The following GLI3 variants were observed in gnomAD, a reference collection of about 807,000 sequenced individuals.
The protein encoded by GLI3 is transcription activator GLI3.
GLI3 carries 20 observed loss-of-function variants against 100.8 expected under a neutral mutation model. The observed-to-expected ratio is 0.20, with a 90% CI of 0.14 to 0.29. The LOEUF (loss-of-function observed/expected upper bound fraction) is 0.29, where lower values mean the gene tolerates loss of function less well. Ranked by LOEUF, GLI3 falls within the 10% of genes least tolerant of loss-of-function variation. The probability of loss-of-function intolerance (pLI) is 1.00; values close to 1 mark genes in which losing one functional copy is unlikely to be tolerated. For synonymous variants in GLI3, 938 were observed against 860.5 expected, an observed-to-expected ratio of 1.09 and a Z score of -1.58; for missense variants, 2,040 against 2,128.5, an observed-to-expected ratio of 0.96 and a Z score of 0.82.
chr7:42,187,995 T>C, intron 2 of GLI3, among the ~76,000 whole-genome samples: 1 of 25,254 alleles, frequency 4.0e-5, no homozygotes, highest in Non-Finnish European at 8.8e-5. Flanking sequence ...AGAGTGAGAC[T>C]CCATCTCAAA....
chr7:42,214,471 A>G (rs1788333475), intron 2 of GLI3, among the ~76,000 whole-genome samples: 1 of 151,724 alleles, frequency 6.6e-6, no homozygotes, highest in African/African-American at 2.4e-5. Flanking sequence ...AAAAAAAAAG[A>G]GACAGGAAGA....
intron 7 of GLI3, among the ~76,000 whole-genome samples, chr7:42,028,592 C>T (rs1205503931): frequency 6.6e-6 from 1 of 151,902 alleles, no homozygotes. Flanking sequence ...GGCGAAACCT[C>T]GTTTCTACTA....
In GLI3 at chr7:42,107,523, G is replaced by A. The variant is rs556941900; in HGVS notation, c.368-30666C>T. On this transcript the variant is annotated intron_variant, in intron 3 of 14. Transcript: ENST00000395925. The stretch of plus-strand genomic sequence containing the variant: ...GCTGACACTGAAGGCAGGGGACAGC[G>A]AGAGTTCTGCCCTTGCTGACTGAGA... Among the ~76,000 whole-genome samples, 205 of 152,326 alleles carry A rather than the reference G, an allele frequency of 1.3e-3. 2 individuals are homozygous for A. Among genetic ancestry groups the A allele is most frequent in the African/African-American group, 3.2e-3 (135 of 41,578 alleles).
intron 2 of GLI3, among the ~76,000 whole-genome samples, chr7:42,217,990 A>G (rs1562790220): frequency 6.6e-6 from 1 of 152,230 alleles, no homozygotes; most frequent in Non-Finnish European, 1.5e-5. Context: ...TGATGAGGAA[A>G]CTAGAACGCT....
At chr7:42,053,954 C>T (rs1416151390) in intron 4 of GLI3, among the ~76,000 whole-genome samples, 1 of 152,134 alleles carries the variant, frequency 6.6e-6, no homozygotes, top group South Asian at 2.1e-4. Flanking sequence ...AGATGTGCCT[C>T]GCCCCATTAT....
At chr7:42,081,852 A>T (rs17172007) in intron 3 of GLI3, among the ~76,000 whole-genome samples, 1 of 152,014 alleles carries the variant, frequency 6.6e-6, no homozygotes, top group Non-Finnish European at 1.5e-5. Flanking sequence ...ATGGTCTGAA[A>T]GTGCCCGGGA....
intron 10 of GLI3, among the ~76,000 whole-genome samples, chr7:41,989,009 T>A (rs1023694747): frequency 2.0e-5 from 3 of 152,226 alleles, no homozygotes; most frequent in African/African-American, 7.2e-5. Context: ...ATTCTAAGAC[T>A]CTGTGCACAT....
chr7:42,097,591 C>G (rs1205229447), intron 3 of GLI3, among the ~76,000 whole-genome samples: 1 of 152,254 alleles, frequency 6.6e-6, no homozygotes, highest in East Asian at 1.9e-4. Context: ...CCAGGATCCC[C>G]TCTCTTAGAC....
chr7:41,975,158 C>T (rs1787478402), intron 12 of GLI3, among the ~76,000 whole-genome samples: 2 of 152,194 alleles, frequency 1.3e-5, no homozygotes, highest in South Asian at 4.1e-4. Context: ...GAGCTACGGT[C>T]AGTCTAGCAG....
At chr7:42,262,005 C>A (rs1211862806) in intron 1 of GLI3, among the ~76,000 whole-genome samples, 1 of 133,004 alleles carries the variant, frequency 7.5e-6, no homozygotes, top group African/African-American at 2.8e-5. Context: ...TCTTTCTTTT[C>A]TTTCTTTCCT....
intron 1 of GLI3, among the ~76,000 whole-genome samples, chr7:42,235,890 G>A (rs1406455723): frequency 6.6e-6 from 1 of 152,228 alleles, no homozygotes; most frequent in Non-Finnish European, 1.5e-5. Context: ...CTGGCAGAGG[G>A]CCATGAGCAC....
At chr7:42,083,032 T>C (rs1186668447) in intron 3 of GLI3, among the ~76,000 whole-genome samples, 4 of 152,236 alleles carry the variant, frequency 2.6e-5, no homozygotes, top group Non-Finnish European at 4.4e-5. Context: ...GCATTTATTA[T>C]GCGTGCTATA....
intron 3 of GLI3, among the ~76,000 whole-genome samples, chr7:42,106,974 T>G (rs1034365491): frequency 1.3e-5 from 2 of 152,154 alleles, no homozygotes; most frequent in African/African-American, 4.8e-5. Context: ...TGGGAACTAC[T>G]GATTTGTAGT....
At chr7:42,256,003 G>A (rs2128711111) in intron 1 of GLI3, among the ~76,000 whole-genome samples, 1 of 152,202 alleles carries the variant, frequency 6.6e-6, no homozygotes, top group African/African-American at 2.4e-5. Context: ...AGTTATTCTA[G>A]TCAGTGTGTA....
At chr7:42,102,309 C>T (rs1032809716) in intron 3 of GLI3, among the ~76,000 whole-genome samples, 11 of 152,182 alleles carry the variant, frequency 7.2e-5, no homozygotes, top group African/African-American at 2.7e-4. Context: ...GGGTACCTGG[C>T]TCTGATAGCA....
intron 2 of GLI3, among the ~76,000 whole-genome samples, chr7:42,216,989 C>T (rs1292786849): frequency 6.6e-6 from 1 of 152,126 alleles, no homozygotes; most frequent in Non-Finnish European, 1.5e-5. Flanking sequence ...CTGGGAGTCA[C>T]TGGAGCTTTT....
intron 1 of GLI3, among the ~76,000 whole-genome samples, chr7:42,263,233 A>C (rs1472793083): frequency 1.3e-5 from 2 of 152,166 alleles, no homozygotes; most frequent in Non-Finnish European, 1.5e-5. Flanking sequence ...CTATGACAAG[A>C]GCTCAAAGGG....
chr7:42,114,813 T>C (rs1785808130), intron 3 of GLI3, among the ~76,000 whole-genome samples: 1 of 152,028 alleles, frequency 6.6e-6, no homozygotes, highest in African/African-American at 2.4e-5. Flanking sequence ...GCGATTCTCC[T>C]GCCTCAGCCT....
At chr7:41,969,965 C>T (rs1383328856) in intron 13 of GLI3, among the ~76,000 whole-genome samples, 1 of 152,124 alleles carries the variant, frequency 6.6e-6, no homozygotes, top group Non-Finnish European at 1.5e-5. Context: ...TGAATTTCAC[C>T]AACTAACTCC....
Sources: gnomAD v4.1 joint callset for allele counts (sites outside exome capture counted in the v4.1 genomes callset) on GRCh38, gnomAD v4.1.1 for gene constraint, MANE v1.5 for transcripts, NCBI Gene and HGNC (gene_info 2026-07-23, HGNC 2026-07-21) for gene names.